Variants in KCNN3 observed in about 807,000 individuals in gnomAD.
The protein encoded by KCNN3 is potassium calcium-activated channel subfamily N member 3, also known as small conductance calcium-activated potassium channel protein 3.
KCNN3 carries 16 observed loss-of-function variants against 62.9 expected under a neutral mutation model. The ratio of observed to expected loss-of-function variants is 0.25; its 90% confidence interval spans 0.17 to 0.39. The LOEUF (loss-of-function observed/expected upper bound fraction) is 0.39. KCNN3 is among the 10% of genes least tolerant of loss of function. The pLI is 1.00. For missense variants in KCNN3, 599 were observed against 949.4 expected (o/e 0.63, Z 4.85); for synonymous variants, 370 against 389.2 (o/e 0.95, Z 0.58).
chr1:154,848,587 T>C (rs1652178573), intron 1 of KCNN3, among the ~76,000 whole-genome samples: 2 of 152,138 alleles, frequency 1.3e-5, no homozygotes, highest in African/African-American at 2.4e-5. Flanking sequence ...GGGGGCTCCA[T>C]GTCCCTCTCC....
intron 2 of KCNN3, among the ~76,000 whole-genome samples, chr1:154,802,329 C>G (rs996960341): frequency 6.6e-6 from 1 of 152,198 alleles, no homozygotes; most frequent in Non-Finnish European, 1.5e-5. Flanking sequence ...ACCAAACCTG[C>G]ATGGAGCTCA....
intron 2 of KCNN3, among the ~76,000 whole-genome samples, chr1:154,814,675 G>C (rs1211976515): frequency 6.6e-6 from 1 of 152,222 alleles, no homozygotes; most frequent in Non-Finnish European, 1.5e-5. Context: ...CCACACCATC[G>C]TCTCTGAGGC....
intron 3 of KCNN3, among the ~76,000 whole-genome samples, chr1:154,750,428 G>A (rs1353119781): frequency 2.0e-5 from 3 of 152,170 alleles, no homozygotes; most frequent in African/African-American, 7.2e-5. Context: ...TCTTACTTAA[G>A]GAAAGGAAGG....
chr1:154,778,680 C>T (rs981732525), intron 2 of KCNN3, among the ~76,000 whole-genome samples: 1 of 131,872 alleles, frequency 7.6e-6, no homozygotes, highest in African/African-American at 2.8e-5. Flanking sequence ...AGTGCAATGG[C>T]ACCATCTGCC....
rs1205847649 is a variant in KCNN3, at chr1:154,698,180, C to T, written c.*9796G>A. On this transcript the variant is annotated 3_prime_UTR_variant, in exon 8 of 8. Transcript: ENST00000271915. ...GATATTACATACTCCTTCTAAAGCA[C>T]CTAATTTGCATTTTTATTATTATTA... 6.6e-6 allele frequency: 1 copy of T among 152,090 alleles called. No individual in the cohort carries two copies. The highest frequency in any genetic ancestry group is 1.9e-4 in the East Asian group (1 of 5,188). The allele number at this position is 152,090 out of a possible 1,614,324, so 9.4% of individuals were successfully genotyped here.
At chr1:154,763,982 T>C (rs1648141455) in intron 3 of KCNN3, among the ~76,000 whole-genome samples, 1 of 152,240 alleles carries the variant, frequency 6.6e-6, no homozygotes, top group Non-Finnish European at 1.5e-5. Context: ...TAATGATTTC[T>C]GTTTTGAATT....
intron 1 of KCNN3, among the ~76,000 whole-genome samples, chr1:154,844,629 C>T (rs565301165): frequency 7.0e-4 from 105 of 150,970 alleles, no homozygotes; most frequent in Admixed American, 2.5e-3. Context: ...TTACAAAGGG[C>T]TTTCGCTCTG....
intron 1 of KCNN3, among the ~76,000 whole-genome samples, chr1:154,860,731 A>C (rs190838296): frequency 6.6e-6 from 1 of 152,318 alleles, no homozygotes; most frequent in Non-Finnish European, 1.5e-5. Flanking sequence ...GAGGGGTGAC[A>C]TGGGCGCATA....
intron 5 of KCNN3, among the ~76,000 whole-genome samples, chr1:154,716,509 T>G (rs1040686231): frequency 2.6e-4 from 40 of 152,368 alleles, no homozygotes; most frequent in African/African-American, 8.9e-4. Context: ...GGAAACATTG[T>G]TTTGCAGGCT....
chr1:154,710,484 C>A (rs1053987201), intron 7 of KCNN3, among the ~76,000 whole-genome samples: 1 of 152,224 alleles, frequency 6.6e-6, no homozygotes, highest in Non-Finnish European at 1.5e-5. Context: ...CTTTCCTGCA[C>A]ACTCTTTCTT....
At chr1:154,834,962 A>G (rs185526176) in intron 1 of KCNN3, among the ~76,000 whole-genome samples, 147 of 152,268 alleles carry the variant, frequency 9.7e-4, no homozygotes, top group Non-Finnish European at 1.8e-3. Flanking sequence ...CCTGAGCTGC[A>G]CTTGTTTCCA....
intron 3 of KCNN3, 116 bp downstream of exon 3, chr1:154,771,859 T>C (rs1170921158): frequency 1.2e-5 from 12 of 1,009,728 alleles, no homozygotes; most frequent in Non-Finnish European, 1.5e-5. Context: ...TCCTTTCAGG[T>C]GTCTGGGTAC....
intron 3 of KCNN3, among the ~76,000 whole-genome samples, chr1:154,757,530 C>T (rs1008712078): frequency 3.3e-5 from 5 of 152,164 alleles, no homozygotes; most frequent in African/African-American, 1.2e-4. Flanking sequence ...GTCAAGAGTG[C>T]CCAATCTAAA....
At position 154,743,617 on chromosome 1, in the gene KCNN3, G is replaced by A. The variant is rs1362266522; in HGVS notation, c.1449-10473C>T. 3.3e-5 allele frequency among the ~76,000 whole-genome samples: 5 copies of A among 152,298 alleles called. 1 individual carries two copies. The highest frequency in any genetic ancestry group is 3.3e-4 in the Admixed American group (5 of 15,304). ...AAGCAATACACAGTCGGTGGAAAGC[G>A]TACTTCAAATTCTGAATGTTGATCT... On this transcript the variant is annotated intron_variant, in intron 3 of 7. Coordinates refer to ENST00000271915, the MANE Select transcript of KCNN3 (RefSeq NM_002249.6).
chr1:154,720,967 C>G (rs913411017), intron 5 of KCNN3, among the ~76,000 whole-genome samples: 1 of 152,102 alleles, frequency 6.6e-6, no homozygotes, highest in Non-Finnish European at 1.5e-5. Context: ...AGAAATGGGG[C>G]TAAGTCTTTA....
chr1:154,821,645 C>A (rs1650904219), intron 2 of KCNN3, among the ~76,000 whole-genome samples: 1 of 152,202 alleles, frequency 6.6e-6, no homozygotes, highest in South Asian at 2.1e-4. Flanking sequence ...AAAAAGCAGA[C>A]TCCTTGGTGG....
At chr1:154,849,028 C>T (rs1652201331) in intron 1 of KCNN3, among the ~76,000 whole-genome samples, 1 of 152,190 alleles carries the variant, frequency 6.6e-6, no homozygotes, top group South Asian at 2.1e-4. Context: ...CGACAGCAAA[C>T]CCCATCTTTT....
At chr1:154,780,254 C>T (rs376688525) in intron 2 of KCNN3, among the ~76,000 whole-genome samples, 11 of 114,172 alleles carry the variant, frequency 9.6e-5, no homozygotes, top group African/African-American at 3.5e-4. Flanking sequence ...TGGATTCACT[C>T]GTTTTTCCCC....
chr1:154,774,928 T>C (rs908104594), intron 2 of KCNN3, among the ~76,000 whole-genome samples: 4 of 152,236 alleles, frequency 2.6e-5, no homozygotes, highest in Non-Finnish European at 1.5e-5. Context: ...AAATTAATGT[T>C]GGGGCCAGGG....
Sources: gnomAD v4.1 joint callset for allele counts (sites outside exome capture counted in the v4.1 genomes callset) on GRCh38, gnomAD v4.1.1 for gene constraint, MANE v1.5 for transcripts, NCBI Gene and HGNC (gene_info 2026-07-23, HGNC 2026-07-21) for gene names.